Variants in MARCHF6 observed in about 807,000 individuals in gnomAD.
MARCHF6 encodes the protein E3 ubiquitin-protein ligase MARCHF6.
In MARCHF6, 31 loss-of-function variants were observed where a neutral mutation model predicts 133.7. The observed-to-expected ratio is 0.23, with a 90% CI of 0.17 to 0.31. The LOEUF is 0.31. MARCHF6 is among the 10% of genes least tolerant of loss of function. The probability of loss-of-function intolerance (pLI) is 1.00; values close to 1 mark genes in which losing one functional copy is unlikely to be tolerated. For synonymous variants in MARCHF6, 395 were observed against 402.5 expected (o/e 0.98, Z 0.22); for missense variants, 723 against 1,121.6 (o/e 0.64, Z 5.08).
rs1033685253 is a variant in MARCHF6, at chr5:10,363,537, G to T, written c.19+9620G>T. On this transcript the variant is annotated intron_variant, in intron 1 of 25. Transcript: ENST00000274140. Reference sequence around the variant, plus strand: ...AAAAATTGGAACCTTCATTTGTTACGCTAGGAATGTAAGATAGTGTGACTG... The same window carrying T: ...AAAAATTGGAACCTTCATTTGTTACTCTAGGAATGTAAGATAGTGTGACTG... Among the ~76,000 whole-genome samples the T allele has an allele frequency of 2.6e-5, 4 of 152,138 alleles. No individual in the cohort carries two copies. In the South Asian group the frequency reaches 8.3e-4, roughly 32 times the overall value.
intron 25 of MARCHF6, among the ~76,000 whole-genome samples, chr5:10,431,909 G>A (rs182839831): frequency 6.6e-6 from 1 of 152,222 alleles, no homozygotes; most frequent in East Asian, 1.9e-4. Context: ...ATATTGCTCA[G>A]CCTTCACTGT....
chr5:10,365,566 A>C (rs1206149879), intron 1 of MARCHF6, among the ~76,000 whole-genome samples: 1 of 152,180 alleles, frequency 6.6e-6, no homozygotes, highest in African/African-American at 2.4e-5. Flanking sequence ...TCCTGGGATT[A>C]CAGGCGTGAG....
chr5:10,369,054 C>T (rs1395151023), intron 1 of MARCHF6, among the ~76,000 whole-genome samples: 2 of 152,124 alleles, frequency 1.3e-5, no homozygotes, highest in Non-Finnish European at 2.9e-5. Context: ...AGCTCCATCC[C>T]TTACTGCATG....
chr5:10,431,960 G>A (rs1380395423), intron 25 of MARCHF6, among the ~76,000 whole-genome samples: 1 of 152,144 alleles, frequency 6.6e-6, no homozygotes, highest in Non-Finnish European at 1.5e-5. Context: ...AAAATCAGTG[G>A]TTGGTTGGGG....
At chr5:10,393,232 A>G (rs1435494104) in intron 7 of MARCHF6, among the ~76,000 whole-genome samples, 1 of 151,936 alleles carries the variant, frequency 6.6e-6, no homozygotes, top group Non-Finnish European at 1.5e-5. Context: ...TGCCCAGCTA[A>G]TTTAGTTTTT....
At chr5:10,382,952 T>C (rs1207333637) in intron 4 of MARCHF6, among the ~76,000 whole-genome samples, 2 of 152,182 alleles carry the variant, frequency 1.3e-5, no homozygotes, top group Non-Finnish European at 2.9e-5. Flanking sequence ...CCCTAATCAA[T>C]CCAAAGAATC....
At chr5:10,411,197 A>G in intron 18 of MARCHF6, 136 bp from the exon 19 acceptor site, 1 of 684,090 alleles carries the variant, frequency 1.5e-6, no homozygotes, top group Non-Finnish European at 2.5e-6. Context: ...GACCAAAATT[A>G]GGTAATAATG....
chr5:10,427,635 A>C (rs1468372338), intron 24 of MARCHF6, among the ~76,000 whole-genome samples: 1 of 152,214 alleles, frequency 6.6e-6, no homozygotes. Context: ...CTTAAAAAAA[A>C]CACACAACCA....
At chr5:10,358,901 A>G (rs971660024) in intron 1 of MARCHF6, among the ~76,000 whole-genome samples, 2 of 152,214 alleles carry the variant, frequency 1.3e-5, no homozygotes, top group Non-Finnish European at 2.9e-5. Flanking sequence ...TGTACATGGC[A>G]CCATTCACAG....
Position 10,433,894 on chromosome 5 carries a change from G to A in MARCHF6, c.*210G>A, listed in dbSNP as rs1740485504. ...ACTGCTGTCTGAGATTTGTATATGT[G>A]TAAATACAAGTTCCTTGATACCCTA... On this transcript the variant is annotated 3_prime_UTR_variant, in exon 26 of 26. Coordinates refer to ENST00000274140, the MANE Select transcript of MARCHF6 (RefSeq NM_005885.4). The A allele has an allele frequency of 3.6e-6, 2 of 547,950 alleles. No homozygotes were observed. Among genetic ancestry groups the A allele is most frequent in the East Asian group, 3.2e-5 (1 of 31,566 alleles). 33.9% of individuals were successfully genotyped at this position (547,950 alleles called of 1,614,324 possible).
At chr5:10,427,593 A>AC (rs1452468677) in intron 24 of MARCHF6, among the ~76,000 whole-genome samples, 2 of 151,998 alleles carry the variant, frequency 1.3e-5, no homozygotes, top group Non-Finnish European at 2.9e-5. Flanking sequence ...GCCAGAAATG[A>AC]CCCCGTCCTC....
chr5:10,433,181 C>T (rs1284642958), intron 25 of MARCHF6, among the ~76,000 whole-genome samples: 2 of 152,210 alleles, frequency 1.3e-5, no homozygotes, highest in South Asian at 2.1e-4. Context: ...TGAGCCACCA[C>T]GCCCAGCCCC....
chr5:10,393,720 A>G (rs542998214), intron 7 of MARCHF6, among the ~76,000 whole-genome samples: 2 of 152,328 alleles, frequency 1.3e-5, no homozygotes, highest in African/African-American at 2.4e-5. Flanking sequence ...CTGTCTTTCT[A>G]CTACCCATAT....
Position 10,434,988 on chromosome 5 carries a change from A to G in MARCHF6, c.*1304A>G, listed in dbSNP as rs892870258. 6.6e-6 allele frequency: 1 copy of G among 152,622 alleles called. No individual in the cohort carries two copies. The highest frequency in any genetic ancestry group is 1.5e-5 in the Non-Finnish European group (1 of 68,040). The allele number at this position is 152,622 out of a possible 1,614,324, so 9.5% of individuals were successfully genotyped here. A position where few individuals can be genotyped will look rare whatever the true frequency, so the allele number is the denominator to read the frequency against. Reference sequence around the variant, plus strand: ...CAGGTTAGAAGTTTAGAAAAATAGAATGGTTGGGTACATGATCTAAATGTT... The same window carrying G: ...CAGGTTAGAAGTTTAGAAAAATAGAGTGGTTGGGTACATGATCTAAATGTT... On this transcript the variant is annotated 3_prime_UTR_variant, in exon 26 of 26. Coordinates refer to ENST00000274140, the MANE Select transcript of MARCHF6 (RefSeq NM_005885.4).
intron 1 of MARCHF6, among the ~76,000 whole-genome samples, chr5:10,360,659 C>G (rs1410101761): frequency 6.6e-6 from 1 of 152,128 alleles, no homozygotes; most frequent in African/African-American, 2.4e-5. Context: ...TTTTGTTTGT[C>G]TTAAATTCAA....
rs897984422 is a variant in MARCHF6, at chr5:10,438,847, C to T, written c.*5163C>T. 4.6e-5 allele frequency: 7 copies of T among 152,216 alleles called. No homozygotes were observed. Among genetic ancestry groups the T allele is most frequent in the African/African-American group, 1.7e-4 (7 of 41,444 alleles). 9.4% of individuals were successfully genotyped at this position (152,216 alleles called of 1,614,324 possible). A position where few individuals can be genotyped will look rare whatever the true frequency, so the allele number is the denominator to read the frequency against. The stretch of plus-strand genomic sequence containing the variant: ...GTTTGGTATATGTAGGTCCCCCTGC[C>T]ATTACTCTTTCAGCCTTCTGCAATC... On this transcript the variant is annotated 3_prime_UTR_variant, in exon 26 of 26. Coordinates refer to ENST00000274140, the MANE Select transcript of MARCHF6 (RefSeq NM_005885.4).
chr5:10,362,886 A>G (rs982892620), intron 1 of MARCHF6, among the ~76,000 whole-genome samples: 7 of 152,224 alleles, frequency 4.6e-5, no homozygotes, highest in Non-Finnish European at 2.9e-5. Context: ...AGATCCACAC[A>G]TACATGGACA....
At chr5:10,404,504 A>G (rs972210605) in intron 15 of MARCHF6, among the ~76,000 whole-genome samples, 1 of 152,206 alleles carries the variant, frequency 6.6e-6, no homozygotes, top group African/African-American at 2.4e-5. Flanking sequence ...TGTGCCGGAC[A>G]CTATACTGCA....
intron 22 of MARCHF6, 92 bp downstream of exon 22, chr5:10,417,496 A>G: frequency 6.5e-7 from 1 of 1,538,806 alleles, no homozygotes; most frequent in Non-Finnish European, 8.9e-7. Flanking sequence ...CCTATAATCT[A>G]GCACTTTGGG....
Sources: gnomAD v4.1 joint callset for allele counts (sites outside exome capture counted in the v4.1 genomes callset) on GRCh38, gnomAD v4.1.1 for gene constraint, MANE v1.5 for transcripts, NCBI Gene and HGNC (gene_info 2026-07-23, HGNC 2026-07-21) for gene names.